SMIM5: variants seen among roughly 807,000 people sequenced by gnomAD.
The protein encoded by SMIM5 is small integral membrane protein 5.
A neutral mutation model predicts 4.0 loss-of-function variants in SMIM5; 4 were observed. The ratio of observed to expected loss-of-function variants is 1.01; its 90% confidence interval spans 0.50 to 2.30. SMIM5 has a LOEUF of 2.30. Ranked by LOEUF, SMIM5 falls within the 30% of genes most tolerant of loss-of-function variation. The pLI is 0.02. For missense variants in SMIM5, 107 were observed against 99.2 expected (o/e 1.08, Z -0.34); for synonymous variants, 46 against 43.6 (o/e 1.05, Z -0.22).
chr17:75,641,152 C>A lies in SMIM5; in HGVS notation c.*255C>A. 1.9e-6 allele frequency: 1 copy of A among 537,420 alleles called. No homozygotes were observed. Among genetic ancestry groups the A allele is most frequent in the Non-Finnish European group, 3.1e-6 (1 of 318,534 alleles). 33.3% of individuals were successfully genotyped at this position (537,420 alleles called of 1,614,324 possible). A position where few individuals can be genotyped will look rare whatever the true frequency, so the allele number is the denominator to read the frequency against. ...GCTGTTTCAAAGACTGGGTCAACTGCCTGGGCTTCTTCGCCTACCTGCACT... is the reference window on the plus strand; with the variant it reads ...GCTGTTTCAAAGACTGGGTCAACTGACTGGGCTTCTTCGCCTACCTGCACT... On this transcript the variant is annotated 3_prime_UTR_variant, in exon 3 of 3. Coordinates refer to ENST00000375215, the MANE Select transcript of SMIM5 (RefSeq NM_001162995.3).
chr17:75,634,317 T>TG, intron 1 of SMIM5, 115 bp downstream of exon 1: 2 of 951,094 alleles, frequency 2.1e-6, no homozygotes, highest in Non-Finnish European at 2.5e-6. Context: ...TTCGGGGACA[T>TG]GCTGGGTCGC....
chr17:75,640,213 C>G lies in SMIM5; in HGVS notation c.12C>G (p.Thr4=), dbSNP rs1029125775. ...GAAGCCAGCGCGGCATGGCTGCCAC[C>G]GACTTCGTGCAGGAGATGCGCGCCG... MAA[T]DFVQEMRAVG... The change falls in exon 2 of 3, where the codon ACC becomes ACG. Residue 4 remains threonine, a synonymous_variant. Coordinates refer to ENST00000375215, the MANE Select transcript of SMIM5 (RefSeq NM_001162995.3). The surrounding 1 kb of genome is among the most constrained non-coding windows in gnomAD (Gnocchi z 4.6). 1 of 1,549,102 alleles carries G rather than the reference C, an allele frequency of 6.5e-7. No homozygotes were observed. Among genetic ancestry groups the G allele is most frequent in the Non-Finnish European group, 8.7e-7 (1 of 1,146,054 alleles).
At position 75,640,444 on chromosome 17, in the gene SMIM5, A is replaced by G; in HGVS notation, c.127+116A>G. The G allele has an allele frequency of 7.1e-7, 1 of 1,417,590 alleles. No individual in the cohort carries two copies. The highest frequency in any genetic ancestry group is 9.3e-7 in the Non-Finnish European group (1 of 1,075,204). The allele number at this position is 1,417,590 out of a possible 1,614,324, so 87.8% of individuals were successfully genotyped here. A position where few individuals can be genotyped will look rare whatever the true frequency, so the allele number is the denominator to read the frequency against. On this transcript the variant is annotated intron_variant, in intron 2 of 2. Coordinates refer to ENST00000375215, the MANE Select transcript of SMIM5 (RefSeq NM_001162995.3). This position sits in a 1 kb window ranked among gnomAD's most constrained non-coding sequence, Gnocchi z 4.6. ...GGGTGTCTGCCGGATCAAGGAGGAAAACCAGTTGTCCCTTGGGGGAAGCCA... is the reference window on the plus strand; with the variant it reads ...GGGTGTCTGCCGGATCAAGGAGGAAGACCAGTTGTCCCTTGGGGGAAGCCA...
At position 75,640,115 on chromosome 17, in the gene SMIM5, C is replaced by G. The variant is rs972926372; in HGVS notation, c.-36-51C>G. ...CGAGGGTGGAATCTCGGTGCTGCGA[C>G]GAGTGTGGGGCCAGCCGTGGAGGCT... On this transcript the variant is annotated intron_variant, in intron 1 of 2. Coordinates refer to ENST00000375215, the MANE Select transcript of SMIM5 (RefSeq NM_001162995.3). This position sits in a 1 kb window ranked among gnomAD's most constrained non-coding sequence, Gnocchi z 4.6. 1.4e-6 allele frequency: 2 copies of G among 1,439,176 alleles called. No individual in the cohort carries two copies. The highest frequency in any genetic ancestry group is 5.0e-5 in the East Asian group (2 of 39,686). The allele number at this position is 1,439,176 out of a possible 1,614,324, so 89.2% of individuals were successfully genotyped here. A position where few individuals can be genotyped will look rare whatever the true frequency, so the allele number is the denominator to read the frequency against.
chr17:75,638,164 C>A (rs1362348774), intron 1 of SMIM5: 1 of 151,950 alleles, frequency 6.6e-6, no homozygotes, highest in Admixed American at 6.6e-5. Context: ...CATCTTCTGC[C>A]TGCTACCCTC....
chr17:75,635,202 C>G (rs554996089), intron 1 of SMIM5, among the ~76,000 whole-genome samples: 1 of 152,322 alleles, frequency 6.6e-6, no homozygotes, highest in African/African-American at 2.4e-5. Flanking sequence ...CTGGGGGCTT[C>G]GGCTGGGGCT....
intron 1 of SMIM5, chr17:75,635,758 C>G: frequency 1.0e-6 from 1 of 982,242 alleles, no homozygotes; most frequent in Non-Finnish European, 1.2e-6. Flanking sequence ...GACGAAACAA[C>G]AGGGCAGAGC....
chr17:75,640,881 A>T lies in SMIM5; in HGVS notation c.218A>T (p.Gln73Leu). 6.5e-7 allele frequency: 1 copy of T among 1,545,992 alleles called. No homozygotes were observed. The highest frequency in any genetic ancestry group is 1.2e-5 in the South Asian group (1 of 84,058). The change falls in exon 3 of 3, where the codon CAG becomes CTG. Residue 73 changes from glutamine (Q) to leucine (L), a missense_variant. Coordinates refer to ENST00000375215, the MANE Select transcript of SMIM5 (RefSeq NM_001162995.3). The surrounding 1 kb of genome is among the most constrained non-coding windows in gnomAD (Gnocchi z 4.6). The part of the protein sequence containing the change: ...PERRGRKVQV[Q>L]PTPP ...CGGAGAGGCAGGAAGGTCCAGGTGC[A>T]GCCGACACCACCATGACGGACGGGC... is the stretch of plus-strand genomic sequence containing the variant.
chr17:75,639,701 G>A (rs2059397516), intron 1 of SMIM5: 1 of 153,230 alleles, frequency 6.5e-6, no homozygotes, highest in South Asian at 2.0e-4. Flanking sequence ...TTTCACCTCT[G>A]ACTGACCCTG....
chr17:75,640,113 G>T lies in SMIM5; in HGVS notation c.-36-53G>T. 1 of 1,438,944 alleles carries T rather than the reference G, an allele frequency of 6.9e-7. No individual in the cohort carries two copies. Among genetic ancestry groups the T allele is most frequent in the South Asian group, 1.4e-5 (1 of 69,488 alleles). The allele number at this position is 1,438,944 out of a possible 1,614,324, so 89.1% of individuals were successfully genotyped here. On this transcript the variant is annotated intron_variant, in intron 1 of 2. Coordinates refer to ENST00000375215, the MANE Select transcript of SMIM5 (RefSeq NM_001162995.3). This position sits in a 1 kb window ranked among gnomAD's most constrained non-coding sequence, Gnocchi z 4.6. The stretch of plus-strand genomic sequence containing the variant: ...TGCGAGGGTGGAATCTCGGTGCTGC[G>T]ACGAGTGTGGGGCCAGCCGTGGAGG...
chr17:75,634,140 G>A lies in SMIM5; in HGVS notation c.-99G>A, dbSNP rs2059274854. 1 of 985,408 alleles carries A rather than the reference G, an allele frequency of 1.0e-6. No homozygotes were observed. 61.0% of individuals were successfully genotyped at this position (985,408 alleles called of 1,614,324 possible). ...GCGGCGCCCACGAAGGAAGTACGAG[G>A]ACAGCACGTGGAGGCTCCGCGCTGG... On this transcript the variant is annotated 5_prime_UTR_variant, in exon 1 of 3. Coordinates refer to ENST00000375215, the MANE Select transcript of SMIM5 (RefSeq NM_001162995.3).
chr17:75,640,351 C>T lies in SMIM5; in HGVS notation c.127+23C>T. The stretch of plus-strand genomic sequence containing the variant: ...CAGGTTAGTTGGGGCACTCAGCACC[C>T]CATGGCTCTCCCTGGCATCTGGGAG... On this transcript the variant is annotated intron_variant, in intron 2 of 2. Transcript: ENST00000375215. This position sits in a 1 kb window ranked among gnomAD's most constrained non-coding sequence, Gnocchi z 4.6. 1 of 1,521,338 alleles carries T rather than the reference C, an allele frequency of 6.6e-7. No homozygotes were observed. Among genetic ancestry groups the T allele is most frequent in the Non-Finnish European group, 8.9e-7 (1 of 1,129,588 alleles). The allele number at this position is 1,521,338 out of a possible 1,614,324, so 94.2% of individuals were successfully genotyped here.
intron 1 of SMIM5, chr17:75,635,861 G>A (rs2059311732): frequency 1.0e-6 from 1 of 985,364 alleles, no homozygotes; most frequent in African/African-American, 1.7e-5. Context: ...TGAGGCGCCT[G>A]GGGTTGGAGT....
At chr17:75,637,161 T>C (rs2059339122) in intron 1 of SMIM5, 1 of 152,310 alleles carries the variant, frequency 6.6e-6, no homozygotes, top group Admixed American at 6.5e-5. Flanking sequence ...CTCCCTGTTC[T>C]GGTGAGCACA....
intron 1 of SMIM5, among the ~76,000 whole-genome samples, chr17:75,635,496 C>T (rs889071896): frequency 1.3e-5 from 2 of 152,224 alleles, no homozygotes; most frequent in Non-Finnish European, 2.9e-5. Flanking sequence ...CAGCAGAAAG[C>T]GCTTCCTCCC....
Position 75,633,948 on chromosome 17 carries a change from C to G in SMIM5, c.-291C>G. 1.0e-6 allele frequency: 1 copy of G among 985,692 alleles called. No individual in the cohort carries two copies. Among genetic ancestry groups the G allele is most frequent in the East Asian group, 1.1e-4 (1 of 8,812 alleles). 61.1% of individuals were successfully genotyped at this position (985,692 alleles called of 1,614,324 possible). A position where few individuals can be genotyped will look rare whatever the true frequency, so the allele number is the denominator to read the frequency against. On this transcript the variant is annotated 5_prime_UTR_variant, in exon 1 of 3. Coordinates refer to ENST00000375215, the MANE Select transcript of SMIM5 (RefSeq NM_001162995.3). ...CGCTCTCAGGGCAGAGGTGAGGCAC[C>G]GGGACATGAAGTTGGAGGACAAGTT...
chr17:75,634,621 C>T (rs759054064), intron 1 of SMIM5, among the ~76,000 whole-genome samples: 4 of 152,202 alleles, frequency 2.6e-5, no homozygotes, highest in Non-Finnish European at 5.9e-5. Flanking sequence ...AGCGCAGGGT[C>T]TGCCCAGCCA....
Position 75,633,983 on chromosome 17 carries a change from G to A in SMIM5, c.-256G>A, listed in dbSNP as rs2059270814. The A allele has an allele frequency of 1.0e-6, 1 of 985,396 alleles. No individual in the cohort carries two copies. The highest frequency in any genetic ancestry group is 4.7e-5 in the South Asian group (1 of 21,296). 61.0% of individuals were successfully genotyped at this position (985,396 alleles called of 1,614,324 possible). ...AGTTGGAGGACAAGTTCCCAAGCAGGGCTTCCTCGGGCTCCCCCTCGCGAC... is the reference window on the plus strand; with the variant it reads ...AGTTGGAGGACAAGTTCCCAAGCAGAGCTTCCTCGGGCTCCCCCTCGCGAC... On this transcript the variant is annotated 5_prime_UTR_variant, in exon 1 of 3. Transcript: ENST00000375215.
chr17:75,640,905 G>C lies in SMIM5; in HGVS notation c.*8G>C. On this transcript the variant is annotated 3_prime_UTR_variant, in exon 3 of 3. Coordinates refer to ENST00000375215, the MANE Select transcript of SMIM5 (RefSeq NM_001162995.3). This position sits in a 1 kb window ranked among gnomAD's most constrained non-coding sequence, Gnocchi z 4.6. ...CAGCCGACACCACCATGACGGACGGGCGATGGCTGAGGAGAAGCTGGAGAG... is the reference window on the plus strand; with the variant it reads ...CAGCCGACACCACCATGACGGACGGCCGATGGCTGAGGAGAAGCTGGAGAG... 2 of 1,542,124 alleles carry C rather than the reference G, an allele frequency of 1.3e-6. No individual in the cohort carries two copies. The highest frequency in any genetic ancestry group is 1.7e-6 in the Non-Finnish European group (2 of 1,146,618).
Sources: gnomAD v4.1 joint callset for allele counts (sites outside exome capture counted in the v4.1 genomes callset) on GRCh38, gnomAD v4.1.1 for gene constraint, Gnocchi (gnomAD v3.1) non-coding constraint, MANE v1.5 for transcripts, NCBI Gene and HGNC (gene_info 2026-07-23, HGNC 2026-07-21) for gene names.